BRSK2: variants seen among roughly 807,000 people sequenced by gnomAD.
BRSK2 encodes the protein serine/threonine-protein kinase BRSK2.
In BRSK2, 19 loss-of-function variants were observed where a neutral mutation model predicts 83.3. The observed-to-expected ratio is 0.23, with a 90% CI of 0.16 to 0.33. The LOEUF (loss-of-function observed/expected upper bound fraction) is 0.33, where lower values mean the gene tolerates loss of function less well. Among genes scored for constraint, BRSK2 ranks in the 10% least tolerant of loss-of-function variants. The pLI, the probability that BRSK2 is intolerant of heterozygous loss-of-function variation, is 1.00. For synonymous variants in BRSK2, 519 were observed against 435.4 expected, an observed-to-expected ratio of 1.19 and a Z score of -2.39; for missense variants, 798 against 1,042.3, an observed-to-expected ratio of 0.77 and a Z score of 3.23.
At chr11:1,437,982 C>A (rs1850558465) in intron 2 of BRSK2, among the ~76,000 whole-genome samples, 1 of 152,170 alleles carries the variant, frequency 6.6e-6, no homozygotes, top group African/African-American at 2.4e-5. Flanking sequence ...TGCCCTCTGC[C>A]CTCTCCACCA....
chr11:1,445,466 T>C lies in BRSK2; in HGVS notation c.977+8T>C. On this transcript the variant is annotated splice_region_variant and intron_variant, in intron 10 of 19. Coordinates refer to ENST00000528841, the MANE Select transcript of BRSK2 (RefSeq NM_001256627.2). ...GGACCTGCTGTCCGAGGAGTGCGTC[T>C]GGGGCTGCTCCCGGGTGGGGCACGG... is the stretch of plus-strand genomic sequence containing the variant. 1 of 1,611,346 alleles carries C rather than the reference T, an allele frequency of 6.2e-7. No individual in the cohort carries two copies. The highest frequency in any genetic ancestry group is 1.1e-5 in the South Asian group (1 of 90,870).
chr11:1,390,391 G>GCGGGGAC lies in BRSK2; in HGVS notation c.91+22_91+28dup. The GCGGGGAC allele has an allele frequency of 9.8e-7, 1 of 1,015,566 alleles. No individual in the cohort carries two copies. Among genetic ancestry groups the GCGGGGAC allele is most frequent in the Non-Finnish European group, 1.2e-6 (1 of 842,404 alleles). The allele number at this position is 1,015,566 out of a possible 1,614,324, so 62.9% of individuals were successfully genotyped here. A position where few individuals can be genotyped will look rare whatever the true frequency, so the allele number is the denominator to read the frequency against. On this transcript the variant is annotated intron_variant, in intron 1 of 19. Transcript: ENST00000528841. The surrounding 1 kb of genome is among the most constrained non-coding windows in gnomAD (Gnocchi z 6.8). ...GGGCAGACAGGTGCGTGCGGCCGGG[G>GCGGGGAC]CGGGGACCGGGGCCGGGGAGGCCGC...
intron 1 of BRSK2, among the ~76,000 whole-genome samples, chr11:1,412,726 C>T (rs913443606): frequency 2.0e-5 from 3 of 152,190 alleles, no homozygotes; most frequent in Non-Finnish European, 4.4e-5. Flanking sequence ...TAAGGCAGCC[C>T]CAGCCCAGAG....
At chr11:1,456,938 C>T (rs1846645913) in intron 18 of BRSK2, 5 of 1,596,492 alleles carry the variant, frequency 3.1e-6, no homozygotes, top group Admixed American at 1.7e-5. Context: ...CTGAAAGGCG[C>T]CTCTTGTCCA....
At chr11:1,434,054 A>T (rs938094441) in intron 1 of BRSK2, among the ~76,000 whole-genome samples, 1 of 152,272 alleles carries the variant, frequency 6.6e-6, no homozygotes, top group Non-Finnish European at 1.5e-5. Context: ...GAGACAAAGG[A>T]TTAATTTCCC....
chr11:1,450,794 G>C lies in BRSK2; in HGVS notation c.1495G>C (p.Val499Leu). ...CCGCTTCCACCGCCGGAAACTGCAA[G>C]GTGAGTGTCTGCCCGGAGGCGCCAG... The part of the protein sequence containing the change: ...SPRFHRRKLQ[V>L]PTPEEMSNLT... The change falls in exon 14 of 20, where the codon GTT (valine) becomes CTT (leucine). Residue 499 changes from valine to leucine, a missense_variant and splice_region_variant. Physicochemically the swap from Val to Leu is conservative, Grantham distance 32. This residue lies in a region of BRSK2 where 455 missense variants were observed against 455.2 expected (regional missense o/e 1.00). Transcript: ENST00000528841. The C allele has an allele frequency of 6.3e-7, 1 of 1,591,344 alleles. No individual in the cohort carries two copies. The highest frequency in any genetic ancestry group is 8.5e-7 in the Non-Finnish European group (1 of 1,172,176).
intron 1 of BRSK2, among the ~76,000 whole-genome samples, chr11:1,398,204 C>T (rs1846243706): frequency 6.6e-6 from 1 of 152,198 alleles, no homozygotes; most frequent in African/African-American, 2.4e-5. Context: ...GGGGGCAGTG[C>T]CTAGTGGCCC....
At chr11:1,446,028 ATGGGCTAAACTGGGCTTAGCTGGGC>A in intron 12 of BRSK2, 121 bp downstream of exon 12, 2 of 1,143,390 alleles carry the variant, frequency 1.7e-6, no homozygotes, top group Non-Finnish European at 2.3e-6. Flanking sequence ...GTGGGGCTGT[ATGGGCTAAACTGGGCTTAGCTGGGC>A]TGGGCTGGGC....
chr11:1,411,460 G>C, intron 1 of BRSK2: 1 of 1,472,418 alleles, frequency 6.8e-7, no homozygotes. Context: ...CCCTGCATCT[G>C]TCCTTCCTCC....
intron 1 of BRSK2, among the ~76,000 whole-genome samples, chr11:1,416,662 C>T (rs1397782391): frequency 6.6e-6 from 1 of 152,194 alleles, no homozygotes; most frequent in Non-Finnish European, 1.5e-5. Flanking sequence ...GAGAGGCAGC[C>T]ACCACTGAGG....
chr11:1,417,777 C>A (rs1271607074), intron 1 of BRSK2, among the ~76,000 whole-genome samples: 2 of 121,462 alleles, frequency 1.6e-5, no homozygotes, highest in African/African-American at 6.3e-5. Context: ...CTGTGTCCTG[C>A]TTCTGTTGGC....
At chr11:1,458,984 G>A (rs1355495335) in intron 18 of BRSK2, among the ~76,000 whole-genome samples, 3 of 152,108 alleles carry the variant, frequency 2.0e-5, no homozygotes, top group African/African-American at 2.4e-5. Context: ...CCGCAGCCCC[G>A]CCTCACTCCA....
Position 1,450,690 on chromosome 11 carries a change from C to G in BRSK2, c.1391C>G (p.Pro464Arg). 6.2e-7 allele frequency: 1 copy of G among 1,608,918 alleles called. No individual in the cohort carries two copies. Among genetic ancestry groups the G allele is most frequent in the South Asian group, 1.1e-5 (1 of 90,646 alleles). The change falls in exon 14 of 20, where the codon CCC (proline) becomes CGC (arginine). Residue 464 changes from proline to arginine, a missense_variant. Coordinates refer to ENST00000528841, the MANE Select transcript of BRSK2 (RefSeq NM_001256627.2). ...CCGGCTGGCACGCCCAACCCCACGC[C>G]CCCGTCCAGCCCCAGCGTCGGAGGG... ...ESPAGTPNPTPPSSPSVGGVP... is the reference protein window; with the variant it reads ...ESPAGTPNPTRPSSPSVGGVP...
At chr11:1,412,941 C>T (rs1484615912) in intron 1 of BRSK2, among the ~76,000 whole-genome samples, 2 of 151,446 alleles carry the variant, frequency 1.3e-5, no homozygotes, top group African/African-American at 2.5e-5. Flanking sequence ...TCCCACCGTG[C>T]ACGCCCTTTC....
rs115463005 is a variant in BRSK2, at chr11:1,404,104, C to T, written c.91+13729C>T. Among the ~76,000 whole-genome samples the T allele has an allele frequency of 7.0e-3, 1,068 of 152,348 alleles. 17 individuals are homozygous for T. The highest frequency in any genetic ancestry group is 0.025 in the African/African-American group (1,033 of 41,582). On this transcript the variant is annotated intron_variant, in intron 1 of 19. Coordinates refer to ENST00000528841, the MANE Select transcript of BRSK2 (RefSeq NM_001256627.2). Reference sequence around the variant, plus strand: ...GGTGAAAGCTTCCAGAGCCAGCACCCTCTCCACTGTCCCACAGAAGCTGGT... The same window carrying T: ...GGTGAAAGCTTCCAGAGCCAGCACCTTCTCCACTGTCCCACAGAAGCTGGT...
intron 9 of BRSK2, 77 bp from the exon 10 acceptor site, chr11:1,445,217 A>G: frequency 6.6e-7 from 1 of 1,526,488 alleles, no homozygotes. Context: ...GCCCCAGGTG[A>G]GGGCGGGCGT....
chr11:1,445,604 C>G lies in BRSK2; in HGVS notation c.1011C>G (p.Leu337=). The part of the protein sequence containing the change: ...ENQEKMIYFL[L]LDRKERYPSQ... ...AGGAGAAGATGATTTACTTCCTCCT[C>G]CTGGACCGGAAAGAAAGGTACCCGA... The change falls in exon 11 of 20, where the codon CTC becomes CTG. Residue 337 remains leucine (L), a synonymous_variant. Coordinates refer to ENST00000528841, the MANE Select transcript of BRSK2 (RefSeq NM_001256627.2). 1 of 1,573,544 alleles carries G rather than the reference C, an allele frequency of 6.4e-7. No homozygotes were observed. The highest frequency in any genetic ancestry group is 2.4e-5 in the East Asian group (1 of 42,470).
At chr11:1,422,077 G>A (rs1458448448) in intron 1 of BRSK2, among the ~76,000 whole-genome samples, 1 of 152,148 alleles carries the variant, frequency 6.6e-6, no homozygotes, top group Non-Finnish European at 1.5e-5. Context: ...GCATCATCGG[G>A]TGTATTCGAG....
intron 1 of BRSK2, among the ~76,000 whole-genome samples, chr11:1,400,718 G>A (rs879104485): frequency 1.5e-4 from 23 of 152,324 alleles, no homozygotes; most frequent in East Asian, 5.8e-4. Context: ...CATTGTGGTC[G>A]GGGGTGGGGG....
Sources: allele counts gnomAD v4.1 joint callset (sites outside exome capture counted in the v4.1 genomes callset), GRCh38; gene constraint gnomAD v4.1.1; regional missense constraint gnomAD v4.1.1; non-coding constraint Gnocchi (gnomAD v3.1); transcripts MANE v1.5; gene names NCBI Gene and HGNC (gene_info 2026-07-23, HGNC 2026-07-21).